DACH1: variants seen among roughly 807,000 people sequenced by gnomAD.
DACH1 encodes dachshund family transcription factor 1, also known as dachshund homolog 1.
DACH1 carries 12 observed loss-of-function variants against 54.2 expected under a neutral mutation model. The observed-to-expected ratio is 0.22, with a 90% CI of 0.14 to 0.36. DACH1 has a LOEUF of 0.36. Among genes scored for constraint, DACH1 ranks in the 10% least tolerant of loss-of-function variants. The pLI, the probability that DACH1 is intolerant of heterozygous loss-of-function variation, is 1.00. For missense variants in DACH1, 805 were observed against 929.8 expected (o/e 0.87, Z 1.75); for synonymous variants, 386 against 366.2 (o/e 1.05, Z -0.62).
chr13:71,733,908 G>T (rs1047688106), intron 1 of DACH1, among the ~76,000 whole-genome samples: 2 of 151,952 alleles, frequency 1.3e-5, no homozygotes, highest in African/African-American at 2.4e-5. Flanking sequence ...AATTAGCCAG[G>T]CATGGTGGCC....
chr13:71,630,982 A>C (rs987775826), intron 2 of DACH1, among the ~76,000 whole-genome samples: 1 of 152,206 alleles, frequency 6.6e-6, no homozygotes, highest in African/African-American at 2.4e-5. Context: ...AGCGACAGTT[A>C]TCTCTTAAAG....
At chr13:71,708,898 G>A (rs1248744325) in intron 1 of DACH1, among the ~76,000 whole-genome samples, 1 of 130,964 alleles carries the variant, frequency 7.6e-6, no homozygotes, top group African/African-American at 2.7e-5. Context: ...TGTCGCCCAA[G>A]CTGGAGTGCA....
chr13:71,810,171 G>A (rs762444686), intron 1 of DACH1, among the ~76,000 whole-genome samples: 5 of 152,016 alleles, frequency 3.3e-5, no homozygotes, highest in Admixed American at 2.6e-4. Flanking sequence ...AATACCAGGC[G>A]CTGTACTAGA....
At chr13:71,823,695 A>G (rs1888278114) in intron 1 of DACH1, among the ~76,000 whole-genome samples, 1 of 152,002 alleles carries the variant, frequency 6.6e-6, no homozygotes, top group African/African-American at 2.4e-5. Context: ...AGGCATTTCA[A>G]GCCAAGTTAT....
intron 1 of DACH1, among the ~76,000 whole-genome samples, chr13:71,798,343 T>C (rs1291491566): frequency 3.7e-5 from 5 of 136,070 alleles, no homozygotes; most frequent in African/African-American, 1.6e-4. Context: ...TATATATATA[T>C]ATATATATAT....
intron 2 of DACH1, among the ~76,000 whole-genome samples, chr13:71,679,843 G>A (rs181228198): frequency 6.6e-6 from 1 of 150,732 alleles, no homozygotes; most frequent in African/African-American, 2.4e-5. Context: ...AAATTCGGGC[G>A]TAGTGGCACA....
intron 6 of DACH1, among the ~76,000 whole-genome samples, chr13:71,493,231 T>C (rs1879136382): frequency 6.6e-6 from 1 of 152,140 alleles, no homozygotes; most frequent in Non-Finnish European, 1.5e-5. Flanking sequence ...CTCTTTCTTT[T>C]GCATTGCTTG....
chr13:71,675,538 T>C, intron 2 of DACH1: 1 of 958,550 alleles, frequency 1.0e-6, no homozygotes, highest in South Asian at 1.4e-5. Context: ...CTCTTCTTCC[T>C]GTTATTGGTA....
chr13:71,619,873 C>T (rs1193560389), intron 3 of DACH1, among the ~76,000 whole-genome samples: 1 of 151,772 alleles, frequency 6.6e-6, no homozygotes, highest in Non-Finnish European at 1.5e-5. Context: ...AATATTTACA[C>T]TCATTTTGAT....
intron 10 of DACH1, among the ~76,000 whole-genome samples, chr13:71,451,294 C>T (rs1238224829): frequency 6.6e-6 from 1 of 152,134 alleles, no homozygotes; most frequent in Non-Finnish European, 1.5e-5. Context: ...TGTCTTCTTA[C>T]ACTGACAAGT....
chr13:71,581,119 C>T (rs1356495827), intron 3 of DACH1, among the ~76,000 whole-genome samples: 1 of 151,156 alleles, frequency 6.6e-6, no homozygotes, highest in African/African-American at 2.4e-5. Context: ...GAGCTGAGAG[C>T]TTCAAATCCA....
intron 1 of DACH1, among the ~76,000 whole-genome samples, chr13:71,784,142 G>A (rs987592945): frequency 6.6e-6 from 1 of 151,942 alleles, no homozygotes; most frequent in Non-Finnish European, 1.5e-5. Flanking sequence ...GATTTGTAAT[G>A]GTACCAAGGA....
intron 10 of DACH1, among the ~76,000 whole-genome samples, chr13:71,464,250 A>G (rs1006465096): frequency 6.6e-6 from 1 of 151,984 alleles, no homozygotes; most frequent in East Asian, 1.9e-4. Flanking sequence ...TGGTCTTTAT[A>G]AATCTTATTT....
chr13:71,475,451 C>T (rs61957803), intron 9 of DACH1, among the ~76,000 whole-genome samples: 2,783 of 152,192 alleles, frequency 0.018, 25 homozygotes, highest in Middle Eastern at 0.041. Context: ...TTTTATTGTG[C>T]TTCAGTAGAA....
intron 2 of DACH1, chr13:71,675,479 C>G: frequency 1.4e-6 from 2 of 1,478,540 alleles, no homozygotes; most frequent in South Asian, 2.4e-5. Flanking sequence ...GCTTAAGAAT[C>G]CACTATGATG....
intron 6 of DACH1, 91 bp from the exon 7 acceptor site, chr13:71,489,239 C>A: frequency 1.4e-6 from 2 of 1,384,958 alleles, no homozygotes; most frequent in Non-Finnish European, 2.0e-6. Context: ...GTTTCCAGAA[C>A]ATTTATTGCA....
intron 1 of DACH1, among the ~76,000 whole-genome samples, chr13:71,726,132 T>A (rs2137897528): frequency 6.6e-6 from 1 of 152,258 alleles, no homozygotes; most frequent in African/African-American, 2.4e-5. Context: ...CTGCCTGGCA[T>A]GTTTTAAACC....
intron 1 of DACH1, among the ~76,000 whole-genome samples, chr13:71,779,730 C>A (rs1470004485): frequency 6.6e-6 from 1 of 152,070 alleles, no homozygotes; most frequent in Non-Finnish European, 1.5e-5. Context: ...TCCCAGATCT[C>A]TTCTTTGACA....
chr13:71,598,487 C>G (rs1374378960), intron 3 of DACH1, among the ~76,000 whole-genome samples: 1 of 151,840 alleles, frequency 6.6e-6, no homozygotes, highest in Non-Finnish European at 1.5e-5. Context: ...ACTCCTGACC[C>G]CATGATCCAC....
Sources: gnomAD v4.1 joint callset for allele counts (sites outside exome capture counted in the v4.1 genomes callset) on GRCh38, gnomAD v4.1.1 for gene constraint, MANE v1.5 for transcripts, NCBI Gene and HGNC (gene_info 2026-07-23, HGNC 2026-07-21) for gene names.